Variants in TNIK observed in about 807,000 individuals in gnomAD.
TNIK encodes the protein TRAF2 and NCK-interacting protein kinase.
Under a neutral mutation model 191.3 loss-of-function variants are expected in TNIK, and 49 were observed. The ratio of observed to expected loss-of-function variants is 0.26; its 90% CI spans 0.20 to 0.32. TNIK has a LOEUF of 0.32. Ranked by LOEUF, TNIK falls within the 10% of genes least tolerant of loss-of-function variation. The pLI is 1.00. For synonymous variants in TNIK, 594 were observed against 600.9 expected (o/e 0.99, Z 0.17); for missense variants, 1,155 against 1,702.3 (o/e 0.68, Z 5.66).
At chr3:171,069,432 C>T (rs748150484) in intron 29 of TNIK, among the ~76,000 whole-genome samples, 1 of 152,118 alleles carries the variant, frequency 6.6e-6, no homozygotes, top group African/African-American at 2.4e-5. Context: ...CAGCCAAGGC[C>T]GGCTGTTTTC....
chr3:171,151,875 G>A (rs1163825537), intron 12 of TNIK, among the ~76,000 whole-genome samples: 1 of 152,204 alleles, frequency 6.6e-6, no homozygotes, highest in Non-Finnish European at 1.5e-5. Flanking sequence ...GCATTTGGAA[G>A]AAGCTACTAA....
intron 2 of TNIK, among the ~76,000 whole-genome samples, chr3:171,276,993 C>G (rs1224909263): frequency 6.6e-6 from 1 of 152,170 alleles, no homozygotes; most frequent in Non-Finnish European, 1.5e-5. Context: ...AATGTAATCT[C>G]CCATGCAACA....
intron 2 of TNIK, among the ~76,000 whole-genome samples, chr3:171,305,734 A>T (rs1004930418): frequency 3.9e-5 from 6 of 152,168 alleles, no homozygotes; most frequent in Non-Finnish European, 5.9e-5. Context: ...GTGAGGTTGC[A>T]TGGAAAAGGC....
At chr3:171,179,028 T>G (rs1408688945) in intron 7 of TNIK, among the ~76,000 whole-genome samples, 1 of 152,178 alleles carries the variant, frequency 6.6e-6, no homozygotes, top group Non-Finnish European at 1.5e-5. Flanking sequence ...TCTAGCCTCT[T>G]GCCTAAAGTG....
intron 28 of TNIK, among the ~76,000 whole-genome samples, chr3:171,076,864 T>A (rs1292968476): frequency 6.6e-6 from 1 of 152,192 alleles, no homozygotes; most frequent in Non-Finnish European, 1.5e-5. Flanking sequence ...ACTGACTTTG[T>A]AGTATGGAAA....
intron 2 of TNIK, among the ~76,000 whole-genome samples, chr3:171,269,279 T>C (rs1342569736): frequency 2.6e-5 from 4 of 152,232 alleles, no homozygotes; most frequent in Admixed American, 6.5e-5. Flanking sequence ...TCTGACTAAA[T>C]GAATAAATAC....
intron 2 of TNIK, among the ~76,000 whole-genome samples, chr3:171,278,488 T>TA (rs932562161): frequency 2.0e-5 from 3 of 152,018 alleles, no homozygotes; most frequent in Admixed American, 6.6e-5. Flanking sequence ...TTAAAAAAGA[T>TA]AAAAAAAATT....
chr3:171,352,710 C>T lies in TNIK; in HGVS notation c.123+16910G>A, dbSNP rs76711300. ...TGATTAGCATATCAACAAGAATAAACAGTCTTAAGATACCCAAGGGTACTT... is the reference window on the plus strand; with the variant it reads ...TGATTAGCATATCAACAAGAATAAATAGTCTTAAGATACCCAAGGGTACTT... On this transcript the variant is annotated intron_variant, in intron 2 of 32. Coordinates refer to ENST00000436636, the MANE Select transcript of TNIK (RefSeq NM_015028.4). 1.6e-4 allele frequency among the ~76,000 whole-genome samples: 24 copies of T among 152,270 alleles called. 1 individual carries two copies. The East Asian group carries it at 4.4e-3, about 28-fold the overall frequency.
chr3:171,333,127 T>C (rs1190516972), intron 2 of TNIK, among the ~76,000 whole-genome samples: 2 of 152,124 alleles, frequency 1.3e-5, no homozygotes, highest in Non-Finnish European at 2.9e-5. Flanking sequence ...CTTGAAAATA[T>C]TTTGTTTGAT....
intron 4 of TNIK, among the ~76,000 whole-genome samples, chr3:171,196,415 G>A (rs1738676635): frequency 6.6e-6 from 1 of 152,110 alleles, no homozygotes; most frequent in Non-Finnish European, 1.5e-5. Flanking sequence ...AAGTAGTACT[G>A]CCAAAAATAA....
chr3:171,143,002 G>A (rs1421685176), intron 12 of TNIK, among the ~76,000 whole-genome samples: 2 of 152,166 alleles, frequency 1.3e-5, no homozygotes, highest in Non-Finnish European at 2.9e-5. Context: ...ATGCCACTCA[G>A]GTCCCTGTGC....
intron 12 of TNIK, among the ~76,000 whole-genome samples, chr3:171,148,736 C>T (rs1731988059): frequency 6.6e-6 from 1 of 152,166 alleles, no homozygotes; most frequent in Non-Finnish European, 1.5e-5. Flanking sequence ...AATGTCTTCA[C>T]ACATTTCTAG....
intron 12 of TNIK, among the ~76,000 whole-genome samples, chr3:171,146,103 G>A (rs1307242378): frequency 6.6e-6 from 1 of 152,132 alleles, no homozygotes; most frequent in Non-Finnish European, 1.5e-5. Context: ...CTTCACATCT[G>A]TCTCTTTTCT....
intron 4 of TNIK, among the ~76,000 whole-genome samples, chr3:171,209,049 G>A (rs1204791170): frequency 7.0e-6 from 1 of 142,446 alleles, no homozygotes; most frequent in Non-Finnish European, 1.5e-5. Flanking sequence ...AAAGTAAGGT[G>A]TTTGCTTTGG....
intron 1 of TNIK, among the ~76,000 whole-genome samples, chr3:171,447,106 G>A (rs1727605700): frequency 1.3e-5 from 2 of 152,072 alleles, no homozygotes; most frequent in South Asian, 2.1e-4. Context: ...CGGGAGAATC[G>A]CCTGAACCCA....
intron 2 of TNIK, among the ~76,000 whole-genome samples, chr3:171,355,918 C>T (rs1312962552): frequency 2.6e-5 from 4 of 152,016 alleles, no homozygotes; most frequent in Admixed American, 2.6e-4. Flanking sequence ...ACCTAGGCAT[C>T]CCTGTAAAGG....
At chr3:171,457,999 G>C (rs1193283930) in intron 1 of TNIK, among the ~76,000 whole-genome samples, 1 of 152,124 alleles carries the variant, frequency 6.6e-6, no homozygotes, top group African/African-American at 2.4e-5. Flanking sequence ...AAACCTTCCC[G>C]AGGAAAAAGC....
At chr3:171,305,692 A>G (rs1753376898) in intron 2 of TNIK, among the ~76,000 whole-genome samples, 2 of 152,202 alleles carry the variant, frequency 1.3e-5, no homozygotes, top group African/African-American at 4.8e-5. Flanking sequence ...CAGAATGGCT[A>G]CTGTTAAAAA....
intron 4 of TNIK, among the ~76,000 whole-genome samples, chr3:171,201,839 TA>T (rs1167087372): frequency 6.6e-6 from 1 of 152,210 alleles, no homozygotes; most frequent in African/African-American, 2.4e-5. Context: ...GCTTCTGAAT[TA>T]TATTTTTCGA....
Sources: gnomAD v4.1 joint callset for allele counts (sites outside exome capture counted in the v4.1 genomes callset) on GRCh38, gnomAD v4.1.1 for gene constraint, MANE v1.5 for transcripts, NCBI Gene and HGNC (gene_info 2026-07-23, HGNC 2026-07-21) for gene names.